The following MYL1 variants were observed in gnomAD, a reference collection of about 807,000 sequenced individuals.
The protein encoded by MYL1 is myosin light chain 1.
A neutral mutation model predicts 21.8 loss-of-function variants in MYL1; 16 were observed. That is an observed-to-expected ratio of 0.74 (90% CI 0.50 to 1.12). The LOEUF is 1.12. Among genes scored for constraint, MYL1 ranks in the 50% most tolerant of loss-of-function variants. The probability of loss-of-function intolerance (pLI) is 0.00; values close to 1 mark genes in which losing one functional copy is unlikely to be tolerated. For missense variants in MYL1, 246 were observed against 241.0 expected (o/e 1.02, Z -0.14); for synonymous variants, 99 against 85.2 (o/e 1.16, Z -0.89).
At chr2:210,291,355 T>C (rs1690072823) in intron 5 of MYL1, among the ~76,000 whole-genome samples, 4 of 152,306 alleles carry the variant, frequency 2.6e-5, no homozygotes, top group Admixed American at 1.3e-4. Flanking sequence ...CTCAAACTCC[T>C]GGGCTCAAGC....
chr2:210,301,815 T>C (rs970680110), intron 2 of MYL1, among the ~76,000 whole-genome samples: 4 of 152,134 alleles, frequency 2.6e-5, no homozygotes, highest in Non-Finnish European at 5.9e-5. Context: ...TAGCTAGTAA[T>C]TGTTTTTATA....
intron 1 of MYL1, among the ~76,000 whole-genome samples, chr2:210,310,059 A>G (rs1302354567): frequency 6.6e-6 from 1 of 152,082 alleles, no homozygotes; most frequent in East Asian, 1.9e-4. Flanking sequence ...ACTGATACCT[A>G]GTGATAGTGT....
chr2:210,296,912 C>T (rs1340218455), intron 3 of MYL1, among the ~76,000 whole-genome samples: 2 of 151,708 alleles, frequency 1.3e-5, no homozygotes, highest in East Asian at 1.9e-4. Flanking sequence ...GCTCATTTTA[C>T]TTAACATGAT....
chr2:210,315,061 G>T lies in MYL1; in HGVS notation c.-19C>A. On this transcript the variant is annotated 5_prime_UTR_variant, in exon 1 of 7. Transcript: ENST00000352451. ...GTGCCATTTTTTTTTTTAAAAGGGT[G>T]GGTTAAAAAGAGAAGGAGTTCCTCC... 6.3e-7 allele frequency: 1 copy of T among 1,591,174 alleles called. No homozygotes were observed.
chr2:210,311,257 T>G (rs1032662090), intron 1 of MYL1, among the ~76,000 whole-genome samples: 9 of 152,040 alleles, frequency 5.9e-5, no homozygotes, highest in Non-Finnish European at 1.0e-4. Context: ...TGAACAAAAG[T>G]AATCCTATAC....
chr2:210,295,840 A>AG (rs1468132344), intron 3 of MYL1, among the ~76,000 whole-genome samples: 2 of 151,602 alleles, frequency 1.3e-5, no homozygotes, highest in African/African-American at 4.8e-5. Flanking sequence ...AAAAAAAAAA[A>AG]AAAGAAAGAA....
intron 1 of MYL1, chr2:210,303,410 G>C: frequency 1.4e-6 from 1 of 699,816 alleles, no homozygotes; most frequent in Non-Finnish European, 2.2e-6. Context: ...AAACCCAAAA[G>C]TAGATACTAA....
chr2:210,298,183 A>C (rs34693593), intron 3 of MYL1, among the ~76,000 whole-genome samples: 18,317 of 152,044 alleles, frequency 0.12, 1,332 homozygotes, highest in African/African-American at 0.2. Context: ...TCTCAAAGGA[A>C]GTTTAACTTA....
intron 2 of MYL1, among the ~76,000 whole-genome samples, chr2:210,302,200 G>A (rs1437321608): frequency 2.6e-5 from 4 of 151,982 alleles, no homozygotes; most frequent in Non-Finnish European, 5.9e-5. Context: ...ATATATATAT[G>A]TATGGTATTA....
At chr2:210,293,528 T>C (rs1020559459) in intron 5 of MYL1, among the ~76,000 whole-genome samples, 195 bp downstream of exon 5, 4 of 152,346 alleles carry the variant, frequency 2.6e-5, no homozygotes, top group South Asian at 2.1e-4. Context: ...TTTAAAACAA[T>C]GCACAGTATT....
rs1690067282 is a variant in MYL1, at chr2:210,291,052, A to G, written c.579T>C (p.Ser193=). ...NYEAFVKHIM[S]I ...TATACCTTGAGAGCTCCATTCAGAT[A>G]GACATGATGTGCTTGACAAAAGCTG... is the stretch of plus-strand genomic sequence containing the variant. The change falls in exon 6 of 7, where the codon TCT becomes TCC. Residue 193 remains serine, a synonymous_variant. Transcript: ENST00000352451. 1 of 1,609,058 alleles carries G rather than the reference A, an allele frequency of 6.2e-7. No individual in the cohort carries two copies. Among genetic ancestry groups the G allele is most frequent in the Non-Finnish European group, 8.5e-7 (1 of 1,176,078 alleles).
chr2:210,301,171 T>A (rs565050391), intron 2 of MYL1, among the ~76,000 whole-genome samples: 2 of 152,146 alleles, frequency 1.3e-5, no homozygotes, highest in African/African-American at 2.4e-5. Context: ...TAGGTGACAA[T>A]GTAGCAGCAT....
intron 2 of MYL1, among the ~76,000 whole-genome samples, chr2:210,298,920 C>T (rs1311858774): frequency 1.3e-5 from 2 of 152,070 alleles, no homozygotes; most frequent in African/African-American, 2.4e-5. Flanking sequence ...ATATAATTAA[C>T]AAGATTAACA....
At position 210,294,328 on chromosome 2, in the gene MYL1, A is replaced by T; in HGVS notation, c.395T>A (p.Phe132Tyr). The T allele has an allele frequency of 1.2e-6, 2 of 1,614,002 alleles. No individual in the cohort carries two copies. The highest frequency in any genetic ancestry group is 1.7e-6 in the Non-Finnish European group (2 of 1,179,958). Reference sequence around the variant, plus strand: ...GTCAAAGACACGCAGACCCTCAACAAAGTCTTCATAGGTGGCCTGGTCCTT... The same window carrying T: ...GTCAAAGACACGCAGACCCTCAACATAGTCTTCATAGGTGGCCTGGTCCTT... ...NNKDQATYED[F>Y]VEGLRVFDKE... The change falls in exon 4 of 7, where the codon TTT becomes TAT. Residue 132 changes from phenylalanine (F) to tyrosine (Y), a missense_variant. Transcript: ENST00000352451.
intron 1 of MYL1, 132 bp downstream of exon 1, chr2:210,314,779 C>G (rs1690464994): frequency 3.9e-6 from 4 of 1,031,954 alleles, no homozygotes; most frequent in Non-Finnish European, 5.8e-6. Context: ...GCAGGATTCT[C>G]TTCTTCATAA....
chr2:210,315,107 TTCTTGG>T lies in MYL1; in HGVS notation c.-71_-66del. On this transcript the variant is annotated 5_prime_UTR_variant, in exon 1 of 7. Transcript: ENST00000352451. Reference sequence around the variant, plus strand: ...CCTCCAAAAGAACCTGTCAAAATGATTCTTGGAAGAGGAGTGGTGGTTGGGTTGATC... The same window carrying T: ...CCTCCAAAAGAACCTGTCAAAATGATAAGAGGAGTGGTGGTTGGGTTGATC... 1 of 1,572,460 alleles carries T rather than the reference TTCTTGG, an allele frequency of 6.4e-7. No individual in the cohort carries two copies. The highest frequency in any genetic ancestry group is 8.6e-7 in the Non-Finnish European group (1 of 1,167,890).
At chr2:210,300,572 A>G (rs1195612788) in intron 2 of MYL1, among the ~76,000 whole-genome samples, 1 of 152,110 alleles carries the variant, frequency 6.6e-6, no homozygotes, top group Non-Finnish European at 1.5e-5. Flanking sequence ...TCTGGTCTAT[A>G]ACAGTATTGT....
chr2:210,314,992 G>GGCAGCC lies in MYL1; in HGVS notation c.45_50dup (p.Ala16_Ala17dup), dbSNP rs772599264. The stretch of plus-strand genomic sequence containing the variant: ...GTGCAGGTGCCGGTGCCGGGGCTGG[G>GGCAGCC]GCAGCCGCAGCCGCAGCCACAGGTT... On this transcript the variant is annotated inframe_insertion, in exon 1 of 7. Coordinates refer to ENST00000352451, the MANE Select transcript of MYL1 (RefSeq NM_079420.3). The GGCAGCC allele has an allele frequency of 4.6e-5, 74 of 1,609,500 alleles. No homozygotes were observed. Among genetic ancestry groups the GGCAGCC allele is most frequent in the East Asian group, 6.7e-5 (3 of 44,836 alleles).
At chr2:210,305,967 G>A (rs1287575437) in intron 1 of MYL1, among the ~76,000 whole-genome samples, 1 of 152,142 alleles carries the variant, frequency 6.6e-6, no homozygotes, top group Non-Finnish European at 1.5e-5. Flanking sequence ...GGCTGAGGAA[G>A]GAGAATTGCT....
Sources: allele counts gnomAD v4.1 joint callset (sites outside exome capture counted in the v4.1 genomes callset), GRCh38; gene constraint gnomAD v4.1.1; transcripts MANE v1.5; gene names NCBI Gene and HGNC (gene_info 2026-07-23, HGNC 2026-07-21).